PTPA: variants seen among roughly 807,000 people sequenced by gnomAD.
PTPA encodes the protein protein phosphatase 2 phosphatase activator.
PTPA carries 13 observed loss-of-function variants against 43.6 expected under a neutral mutation model. The ratio of observed to expected loss-of-function variants is 0.30; its 90% CI spans 0.19 to 0.47. The LOEUF is 0.47. Ranked by LOEUF, PTPA falls within the 20% of genes least tolerant of loss-of-function variation. The pLI, the probability that PTPA is intolerant of heterozygous loss-of-function variation, is 0.99. For synonymous variants in PTPA, 172 were observed against 158.2 expected, an observed-to-expected ratio of 1.09 and a Z score of -0.66; for missense variants, 329 against 411.9, an observed-to-expected ratio of 0.80 and a Z score of 1.74.
intron 3 of PTPA, among the ~76,000 whole-genome samples, chr9:129,125,836 A>C (rs1167951497): frequency 6.6e-6 from 1 of 152,220 alleles, no homozygotes; most frequent in Non-Finnish European, 1.5e-5. Context: ...TCTAATTTTC[A>C]ATAGTGTTGT....
At chr9:129,142,260 T>A (rs1850915863) in intron 8 of PTPA, 185 bp from the exon 9 acceptor site, 4 of 490,800 alleles carry the variant, frequency 8.1e-6, no homozygotes. Flanking sequence ...TGCATGTGCC[T>A]GTTTGTATGT....
intron 9 of PTPA, chr9:129,142,911 C>T (rs1294009311): frequency 6.8e-7 from 1 of 1,475,358 alleles, no homozygotes; most frequent in Admixed American, 2.3e-5. Context: ...GTCTGGCTCT[C>T]CCATGGCATA....
intron 1 of PTPA, chr9:129,118,939 C>G (rs760547168): frequency 1.2e-4 from 18 of 153,266 alleles, no homozygotes; most frequent in Non-Finnish European, 2.0e-4. Flanking sequence ...AAAAGATTGT[C>G]CCCTTAGGAG....
At chr9:129,137,936 G>A (rs1048329524) in intron 8 of PTPA, 2 of 511,406 alleles carry the variant, frequency 3.9e-6, no homozygotes, top group African/African-American at 1.9e-5. Context: ...TTGAGATGAG[G>A]GTCTAAGACT....
intron 9 of PTPA, among the ~76,000 whole-genome samples, chr9:129,144,086 C>T (rs1180702800): frequency 6.6e-6 from 1 of 151,830 alleles, no homozygotes; most frequent in Non-Finnish European, 1.5e-5. Flanking sequence ...TCTCTCGACT[C>T]AGGCTCTAAG....
chr9:129,143,438 T>C, intron 9 of PTPA: 1 of 702,986 alleles, frequency 1.4e-6, no homozygotes, highest in South Asian at 1.5e-5. Flanking sequence ...TCTTGACTCC[T>C]GGCCGGCCTT....
intron 9 of PTPA, 76 bp from the exon 10 acceptor site, chr9:129,147,311 C>G: frequency 2.8e-6 from 4 of 1,454,384 alleles, no homozygotes; most frequent in Non-Finnish European, 3.8e-6. Flanking sequence ...CACCTGGGAG[C>G]TGCTGCGGTT....
chr9:129,144,496 T>C (rs1320771226), intron 9 of PTPA, among the ~76,000 whole-genome samples: 2 of 151,578 alleles, frequency 1.3e-5, no homozygotes, highest in African/African-American at 4.9e-5. Context: ...CCCAGCACTT[T>C]GGGAGGCCGA....
intron 1 of PTPA, chr9:129,119,402 A>G (rs1220551119): frequency 2.0e-5 from 3 of 151,382 alleles, no homozygotes; most frequent in East Asian, 3.9e-4. Flanking sequence ...GTTTACTGCA[A>G]TTAGGTTTTT....
chr9:129,113,369 C>T (rs970149569), intron 1 of PTPA, among the ~76,000 whole-genome samples: 1 of 150,716 alleles, frequency 6.6e-6, no homozygotes, highest in African/African-American at 2.4e-5. Context: ...GGATTACAGG[C>T]ATGAGCCACC....
chr9:129,135,422 T>C (rs1694452521), intron 6 of PTPA, among the ~76,000 whole-genome samples: 1 of 152,168 alleles, frequency 6.6e-6, no homozygotes, highest in South Asian at 2.1e-4. Flanking sequence ...ACATAATGTC[T>C]GCCAGTATTG....
chr9:129,125,860 A>G (rs2131573375), intron 3 of PTPA, among the ~76,000 whole-genome samples: 1 of 152,332 alleles, frequency 6.6e-6, no homozygotes, highest in Admixed American at 6.5e-5. Flanking sequence ...ATAGAAAGCT[A>G]GCTTTTGGCT....
rs775294820 is a variant in PTPA, at chr9:129,128,024, G to A, written c.217-961G>A. ...TGCAAAGCAGAGTGTGTCCTGCGAT[G>A]AATGCATACCATTACCCCGCGCCGG... On this transcript the variant is annotated intron_variant, in intron 3 of 9. Transcript: ENST00000393370. 2.2e-5 allele frequency: 30 copies of A among 1,348,062 alleles called. No homozygotes were observed. The South Asian group carries it at 3.4e-4, about 15-fold the overall frequency. The allele number at this position is 1,348,062 out of a possible 1,614,324, so 83.5% of individuals were successfully genotyped here.
At chr9:129,123,505 T>A (rs1184935070) in intron 3 of PTPA, among the ~76,000 whole-genome samples, 1 of 151,676 alleles carries the variant, frequency 6.6e-6, no homozygotes. Context: ...TCTTGTGGGC[T>A]CAGTGCCCAC....
chr9:129,131,659 C>A lies in PTPA; in HGVS notation c.460+20C>A. On this transcript the variant is annotated intron_variant, in intron 5 of 9. Transcript: ENST00000393370. ...GCACAGGTATCTGCTGCTTGTGGGG[C>A]TCTGTACTTATCTAGCTTCACTGCT... The A allele has an allele frequency of 6.2e-7, 1 of 1,604,158 alleles. No individual in the cohort carries two copies. Among genetic ancestry groups the A allele is most frequent in the Non-Finnish European group, 8.5e-7 (1 of 1,170,972 alleles).
chr9:129,133,056 C>T (rs1283966557), intron 5 of PTPA, among the ~76,000 whole-genome samples: 4 of 147,928 alleles, frequency 2.7e-5, no homozygotes, highest in South Asian at 2.2e-4. Context: ...TGTCAGGGCA[C>T]GGCCTGTCGA....
chr9:129,145,231 T>C (rs10988229), intron 9 of PTPA, among the ~76,000 whole-genome samples: 23,938 of 150,436 alleles, frequency 0.16, 2,122 homozygotes, highest in Middle Eastern at 0.24. Context: ...CTCAGGAGGC[T>C]GAGGCAGGAC....
At chr9:129,125,305 G>A (rs558118075) in intron 3 of PTPA, among the ~76,000 whole-genome samples, 2 of 151,592 alleles carry the variant, frequency 1.3e-5, no homozygotes, top group Non-Finnish European at 2.9e-5. Flanking sequence ...AGGCTGGAGT[G>A]CAATGGCATG....
At chr9:129,110,989 A>G (rs1025939703), upstream of PTPA, 7 of 1,371,096 alleles carry the variant, frequency 5.1e-6, no homozygotes, top group Admixed American at 1.9e-5. This position sits in a 1 kb window ranked among gnomAD's most constrained non-coding sequence, Gnocchi z 5.3. Context: ...GTCACCGTCC[A>G]GCTGTCTCTC....
Sources: allele counts gnomAD v4.1 joint callset (sites outside exome capture counted in the v4.1 genomes callset), GRCh38; gene constraint gnomAD v4.1.1; non-coding constraint Gnocchi (gnomAD v3.1); transcripts MANE v1.5; gene names NCBI Gene and HGNC (gene_info 2026-07-23, HGNC 2026-07-21).